RNF144A: variants seen among roughly 807,000 people sequenced by gnomAD.
RNF144A encodes the protein E3 ubiquitin-protein ligase RNF144A.
A neutral mutation model predicts 38.7 loss-of-function variants in RNF144A; 11 were observed. That is an observed-to-expected ratio of 0.28 (90% CI 0.18 to 0.47). The LOEUF (loss-of-function observed/expected upper bound fraction) is 0.47. RNF144A is among the 20% of genes least tolerant of loss of function. The pLI is 0.99. For missense variants in RNF144A, 316 were observed against 377.2 expected (o/e 0.84, Z 1.34); for synonymous variants, 149 against 143.9 (o/e 1.04, Z -0.25).
At chr2:6,936,708 T>G (rs780351764) in intron 1 of RNF144A, among the ~76,000 whole-genome samples, 15 of 152,200 alleles carry the variant, frequency 9.9e-5, no homozygotes, top group Non-Finnish European at 2.9e-5. Flanking sequence ...TGTTCATAAT[T>G]TGAAGTAGCA....
chr2:6,959,090 C>T (rs1355703642), intron 2 of RNF144A, among the ~76,000 whole-genome samples: 1 of 152,176 alleles, frequency 6.6e-6, no homozygotes, highest in Non-Finnish European at 1.5e-5. Flanking sequence ...AAATAAACTC[C>T]CTCAGTGAGA....
intron 6 of RNF144A, among the ~76,000 whole-genome samples, chr2:7,065,663 A>G (rs1367245264): frequency 6.6e-6 from 1 of 152,270 alleles, no homozygotes; most frequent in Non-Finnish European, 1.5e-5. Flanking sequence ...TTGCATAATT[A>G]TCATAATGAA....
intron 3 of RNF144A, among the ~76,000 whole-genome samples, chr2:7,006,624 C>T (rs1403762499): frequency 6.6e-6 from 1 of 152,114 alleles, no homozygotes; most frequent in Non-Finnish European, 1.5e-5. Flanking sequence ...CCCTTCACTG[C>T]CTCCCTCCCT....
downstream of RNF144A, among the ~76,000 whole-genome samples, chr2:7,047,786 GC>G (rs1673368325): frequency 6.6e-6 from 1 of 152,188 alleles, no homozygotes; most frequent in South Asian, 2.1e-4. Flanking sequence ...CCAGGCATTT[GC>G]TCACTGCTTT....
At chr2:7,037,139 G>C (rs1672732343) in intron 8 of RNF144A, among the ~76,000 whole-genome samples, 1 of 152,170 alleles carries the variant, frequency 6.6e-6, no homozygotes. Flanking sequence ...CACACACACA[G>C]TGGTTCTTTT....
chr2:6,999,980 G>T (rs1669998220), intron 3 of RNF144A, among the ~76,000 whole-genome samples: 1 of 152,226 alleles, frequency 6.6e-6, no homozygotes, highest in Non-Finnish European at 1.5e-5. Context: ...GACATCCACA[G>T]CCAGAGACAT....
rs999139340 is a variant in RNF144A, at chr2:7,040,618, A to T, written c.*858A>T. 2.0e-6 allele frequency: 2 copies of T among 985,222 alleles called. No homozygotes were observed. Among genetic ancestry groups the T allele is most frequent in the Admixed American group, 6.2e-5 (1 of 16,254 alleles). The allele number at this position is 985,222 out of a possible 1,614,324, so 61.0% of individuals were successfully genotyped here. A position where few individuals can be genotyped will look rare whatever the true frequency, so the allele number is the denominator to read the frequency against. ...CAGAAAACGCTTTTTATTGTATTCA[A>T]TCCCACTGCTTTGCTCGGCAATGGT... On this transcript the variant is annotated 3_prime_UTR_variant, in exon 9 of 9. Coordinates refer to ENST00000320892, the MANE Select transcript of RNF144A (RefSeq NM_014746.6).
At chr2:6,990,562 T>TACAC (rs754673175) in intron 2 of RNF144A, among the ~76,000 whole-genome samples, 1 of 34,940 alleles carries the variant, frequency 2.9e-5, no homozygotes, top group Non-Finnish European at 9.1e-5. Flanking sequence ...GAGAGATTGC[T>TACAC]ACACACACAA....
chr2:7,040,763 G>C lies in RNF144A; in HGVS notation c.*1003G>C. The C allele has an allele frequency of 2.0e-6, 2 of 985,450 alleles. No individual in the cohort carries two copies. The highest frequency in any genetic ancestry group is 9.4e-5 in the South Asian group (2 of 21,286). 61.0% of individuals were successfully genotyped at this position (985,450 alleles called of 1,614,324 possible). ...TCTTGGCAGAGGCTGGAGGACTCTG[G>C]GGGCTAGGGAAGAGCCTGCCAGATT... On this transcript the variant is annotated 3_prime_UTR_variant, in exon 9 of 9. Coordinates refer to ENST00000320892, the MANE Select transcript of RNF144A (RefSeq NM_014746.6).
chr2:6,923,385 A>G (rs547370307), intron 1 of RNF144A, among the ~76,000 whole-genome samples: 8 of 151,964 alleles, frequency 5.3e-5, no homozygotes, highest in African/African-American at 1.9e-4. Flanking sequence ...CTATTCAGAG[A>G]CCTCCAGCCA....
chr2:7,037,418 C>T (rs891108816), intron 8 of RNF144A, among the ~76,000 whole-genome samples: 2 of 152,144 alleles, frequency 1.3e-5, no homozygotes, highest in South Asian at 2.1e-4. Flanking sequence ...GCCAGGTAGT[C>T]GAGGTTGCTC....
intron 2 of RNF144A, among the ~76,000 whole-genome samples, chr2:6,966,373 G>A (rs757979917): frequency 1.3e-5 from 2 of 152,244 alleles, no homozygotes; most frequent in African/African-American, 4.8e-5. Flanking sequence ...TAAAGTTTGA[G>A]TTATTCTCCA....
rs1666000302 is a variant in RNF144A, at chr2:6,941,775, A to G, written c.-12+628A>G. On this transcript the variant is annotated intron_variant, in intron 2 of 8. Coordinates refer to ENST00000320892, the MANE Select transcript of RNF144A (RefSeq NM_014746.6). The surrounding 1 kb of genome is among the most constrained non-coding windows in gnomAD (Gnocchi z 6.5). ...TTGAACATGCACTTTAAGGAGGCGC[A>G]GTAACTAGCCACTTAGCATCTGGGC... Among the ~76,000 whole-genome samples the G allele has an allele frequency of 6.6e-6, 1 of 152,276 alleles. No individual in the cohort carries two copies. The highest frequency in any genetic ancestry group is 2.4e-5 in the African/African-American group (1 of 41,476).
Position 6,929,539 on chromosome 2 carries a change from G to T in RNF144A, c.-211-11409G>T, listed in dbSNP as rs146442563. 1.3e-3 allele frequency among the ~76,000 whole-genome samples: 204 copies of T among 152,294 alleles called. 1 individual carries two copies. Among genetic ancestry groups the T allele is most frequent in the African/African-American group, 4.7e-3 (195 of 41,556 alleles). ...AATAAGGGACATTGGGATCCTGCCT[G>T]AAGGTCTGTGTTTTCTTTTTACTGA... On this transcript the variant is annotated intron_variant, in intron 1 of 8. Coordinates refer to ENST00000320892, the MANE Select transcript of RNF144A (RefSeq NM_014746.6).
intron 1 of RNF144A, among the ~76,000 whole-genome samples, chr2:6,939,662 A>G (rs1335265648): frequency 6.6e-6 from 1 of 152,124 alleles, no homozygotes; most frequent in East Asian, 1.9e-4. Context: ...GATCACAAAA[A>G]TTTACTTTTA....
chr2:6,936,323 A>G (rs1485482518), intron 1 of RNF144A, among the ~76,000 whole-genome samples: 1 of 152,236 alleles, frequency 6.6e-6, no homozygotes, highest in Non-Finnish European at 1.5e-5. Flanking sequence ...ACACACATAT[A>G]GATACATATG....
chr2:7,037,979 CTG>C lies in RNF144A; in HGVS notation c.748-1647_748-1646del, dbSNP rs376025290. Among the ~76,000 whole-genome samples, 583 of 152,342 alleles carry C rather than the reference CTG, an allele frequency of 3.8e-3. 2 individuals carry two copies. Among genetic ancestry groups the C allele is most frequent in the African/African-American group, 0.013 (520 of 41,576 alleles). On this transcript the variant is annotated intron_variant, in intron 8 of 8. Coordinates refer to ENST00000320892, the MANE Select transcript of RNF144A (RefSeq NM_014746.6). ...CAGGCTGCCTGCCTGGGTTGGGACT[CTG>C]TGAATGGCGAGGCCGGCTGGAAAGC...
At chr2:7,015,734 A>C (rs955642896) in intron 5 of RNF144A, among the ~76,000 whole-genome samples, 1 of 152,150 alleles carries the variant, frequency 6.6e-6, no homozygotes, top group Non-Finnish European at 1.5e-5. Flanking sequence ...TGTGCAGGCG[A>C]CACTCCATAT....
intron 6 of RNF144A, among the ~76,000 whole-genome samples, chr2:7,052,180 C>G (rs1170028251): frequency 6.6e-6 from 1 of 151,996 alleles, no homozygotes; most frequent in Non-Finnish European, 1.5e-5. Context: ...TGATTCTGAA[C>G]CAGAAAAAAA....
Sources: gnomAD v4.1 joint callset for allele counts (sites outside exome capture counted in the v4.1 genomes callset) on GRCh38, gnomAD v4.1.1 for gene constraint, Gnocchi (gnomAD v3.1) non-coding constraint, MANE v1.5 for transcripts, NCBI Gene and HGNC (gene_info 2026-07-23, HGNC 2026-07-21) for gene names.